MADD: variants seen among roughly 807,000 people sequenced by gnomAD.
The protein encoded by MADD is MAP kinase activating death domain, also known as MAP kinase-activating death domain protein.
A neutral mutation model predicts 176.7 loss-of-function variants in MADD; 109 were observed. That is an observed-to-expected ratio of 0.62 (90% CI 0.53 to 0.72). MADD has a LOEUF of 0.72. MADD is among the 30% of genes least tolerant of loss of function. MADD has a pLI of 0.00. For missense variants in MADD, 1,914 were observed against 2,045.5 expected (o/e 0.94, Z 1.24); for synonymous variants, 771 against 771.3 (o/e 1.00, Z 0.01).
intron 26 of MADD, among the ~76,000 whole-genome samples, chr11:47,313,268 A>C (rs1238184212): frequency 2.0e-5 from 3 of 151,974 alleles, no homozygotes; most frequent in African/African-American, 7.3e-5. Context: ...ATATGTCAAC[A>C]TTTGGAAGAG....
intron 22 of MADD, among the ~76,000 whole-genome samples, chr11:47,299,277 A>G (rs2075655449): frequency 1.3e-5 from 2 of 152,020 alleles, no homozygotes; most frequent in East Asian, 1.9e-4. Context: ...CATTTTCACA[A>G]TATTCGTCCA....
chr11:47,311,772 T>C, exon 26 of MADD: 2 of 1,614,020 alleles, frequency 1.2e-6, no homozygotes, highest in Non-Finnish European at 1.7e-6. Context: ...AGGCGCCTAA[T>C]GGGAAAGTCG....
intron 19 of MADD, 85 bp from the exon 21 acceptor site, chr11:47,292,458 T>C: frequency 8.2e-7 from 1 of 1,219,322 alleles, no homozygotes; most frequent in Non-Finnish European, 1.2e-6. Context: ...CTGAATCGAC[T>C]TGGGTGGGTG....
At position 47,285,263 on chromosome 11, in the gene MADD, G is replaced by T. The variant is rs112943668; in HGVS notation, c.2411+69G>T. The T allele has an allele frequency of 5.1e-6, 8 of 1,578,566 alleles. No homozygotes were observed. In the Admixed American group the frequency reaches 1.2e-4, roughly 24 times the overall value. On this transcript the variant is annotated intron_variant, in intron 13 of 32. Transcript: ENST00000402192. ...TCACCTCAGTGGACCCTGGGCAAGG[G>T]TTAATCAGAAAGTCTGAGAAGTCTG...
chr11:47,283,036 A>G (rs779843348), intron 10 of MADD, 67 bp downstream of exon 10: 20 of 1,474,872 alleles, frequency 1.4e-5, no homozygotes, highest in Non-Finnish European at 1.9e-5. Flanking sequence ...CTTCTTTAGC[A>G]CAGAGAAGGC....
intron 22 of MADD, among the ~76,000 whole-genome samples, chr11:47,296,337 G>C (rs1239874543): frequency 1.3e-5 from 2 of 152,136 alleles, no homozygotes; most frequent in Non-Finnish European, 2.9e-5. Context: ...TAACCCCCAG[G>C]TTTAACACAG....
exon 33 of MADD, chr11:47,329,465 T>C: frequency 2.9e-6 from 1 of 343,126 alleles, no homozygotes; most frequent in Admixed American, 3.9e-5. Context: ...TCCTTGTCCT[T>C]GTCCCTGGCG....
chr11:47,295,726 A>T, intron 21 of MADD, 147 bp downstream of exon 23: 1 of 1,528,472 alleles, frequency 6.5e-7, no homozygotes, highest in Admixed American at 2.1e-5. Flanking sequence ...AGGTGTGTGT[A>T]TACGAGATTT....
exon 15 of MADD, chr11:47,286,513 A>G: frequency 1.9e-6 from 3 of 1,613,816 alleles, no homozygotes; most frequent in Middle Eastern, 1.7e-4. Flanking sequence ...AGAGAAGGCC[A>G]CGCCCTTCCC....
chr11:47,320,765 T>A (rs745459886), intron 27 of MADD, among the ~76,000 whole-genome samples: 5 of 151,880 alleles, frequency 3.3e-5, no homozygotes, highest in African/African-American at 2.4e-5. Context: ...CCACAAAAAA[T>A]TTTAAAATAA....
chr11:47,278,653 T>G (rs1296724307), intron 6 of MADD, among the ~76,000 whole-genome samples: 1 of 152,180 alleles, frequency 6.6e-6, no homozygotes, highest in Admixed American at 6.5e-5. Flanking sequence ...TAATTAATTA[T>G]ATGACCATTC....
intron 27 of MADD, among the ~76,000 whole-genome samples, chr11:47,317,874 G>A (rs4752980): frequency 0.42 from 63,519 of 151,488 alleles, 14,674 homozygotes; most frequent in East Asian, 0.69. Context: ...GGTTCAAGCA[G>A]TTCTCCTGCC....
At chr11:47,285,494 G>C (rs747078841) in exon 14 of MADD, 20 of 1,614,154 alleles carry the variant, frequency 1.2e-5, no homozygotes, top group Non-Finnish European at 1.7e-5. Context: ...ACTGGCAAGT[G>C]ACTCAGATGC....
chr11:47,311,989 T>G, intron 26 of MADD, 147 bp downstream of exon 29: 1 of 601,102 alleles, frequency 1.7e-6, no homozygotes, highest in Non-Finnish European at 3.0e-6. Flanking sequence ...TGTGATGGGA[T>G]TCTCTGTATA....
intron 26 of MADD, 77 bp from the exon 30 acceptor site, chr11:47,315,143 G>A: frequency 1.2e-6 from 1 of 809,528 alleles, no homozygotes; most frequent in East Asian, 2.5e-5. Context: ...GAATTTGATT[G>A]CTGGATGGGG....
At chr11:47,318,594 C>T (rs994609513) in intron 27 of MADD, among the ~76,000 whole-genome samples, 2 of 152,130 alleles carry the variant, frequency 1.3e-5, no homozygotes, top group African/African-American at 4.8e-5. Flanking sequence ...ACAAAGGGAG[C>T]CTCATGCTAA....
chr11:47,299,333 C>T lies in MADD; in HGVS notation c.3642+3278C>T, dbSNP rs147523956. 6.0e-3 allele frequency among the ~76,000 whole-genome samples: 912 copies of T among 152,088 alleles called. 10 individuals carry two copies. Among genetic ancestry groups the T allele is most frequent in the African/African-American group, 0.021 (877 of 41,504 alleles). On this transcript the variant is annotated intron_variant, in intron 22 of 32. Coordinates refer to ENST00000402192, the Ensembl canonical transcript of MADD. ...TTTCCATTTTTTCCCTATACTCTTT[C>T]TTACATCAGTGTTTTTTATTTTTCC...
At chr11:47,287,923 G>T (rs943194454) in intron 15 of MADD, among the ~76,000 whole-genome samples, 85 of 151,386 alleles carry the variant, frequency 5.6e-4, no homozygotes, top group African/African-American at 1.8e-3. Context: ...GAGCAGCCGG[G>T]ACTATAGGAG....
Position 47,284,793 on chromosome 11 carries a change from G to C in MADD, c.2158-148G>C, listed in dbSNP as rs1294933121. The C allele has an allele frequency of 7.8e-6, 10 of 1,278,502 alleles. No individual in the cohort carries two copies. In the African/African-American group the frequency reaches 8.9e-5, roughly 11 times the overall value. The allele number at this position is 1,278,502 out of a possible 1,614,324, so 79.2% of individuals were successfully genotyped here. A position where few individuals can be genotyped will look rare whatever the true frequency, so the allele number is the denominator to read the frequency against. ...ATGATCCCCCTTATATAGTTTGTGGGGACAGAGAACGGGTGCTACAGAGAT... is the reference window on the plus strand; with the variant it reads ...ATGATCCCCCTTATATAGTTTGTGGCGACAGAGAACGGGTGCTACAGAGAT... On this transcript the variant is annotated intron_variant, in intron 12 of 32. Transcript: ENST00000402192.
Sources: allele counts gnomAD v4.1 joint callset (sites outside exome capture counted in the v4.1 genomes callset), GRCh38; gene constraint gnomAD v4.1.1; transcripts MANE v1.5; gene names NCBI Gene and HGNC (gene_info 2026-07-23, HGNC 2026-07-21).